Variants in FCN2 observed in about 807,000 individuals in gnomAD.
FCN2 encodes the protein ficolin-2.
A neutral mutation model predicts 32.5 loss-of-function variants in FCN2; 31 were observed. That is an observed-to-expected ratio of 0.96 (90% CI 0.72 to 1.29). The LOEUF (loss-of-function observed/expected upper bound fraction) is 1.29, where lower values mean the gene tolerates loss of function less well. Among genes scored for constraint, FCN2 ranks in the 50% most tolerant of loss-of-function variants. The pLI, the probability that FCN2 is intolerant of heterozygous loss-of-function variation, is 0.00. For missense variants in FCN2, 412 were observed against 406.5 expected, an observed-to-expected ratio of 1.01 and a Z score of -0.12; for synonymous variants, 181 against 164.5, an observed-to-expected ratio of 1.10 and a Z score of -0.77.
chr9:134,864,900 G>A, the FCN2 span, among the ~76,000 whole-genome samples: 2 of 152,228 alleles, frequency 1.3e-5, no homozygotes, highest in South Asian at 2.1e-4. Flanking sequence ...GGGGCCAAAC[G>A]GGCCAGGTCC....
At chr9:134,867,449 A>G in the FCN2 span, among the ~76,000 whole-genome samples, 3 of 136,690 alleles carry the variant, frequency 2.2e-5, no homozygotes, top group African/African-American at 8.4e-5. Context: ...ATGAGATCAC[A>G]TGGACACAGG....
In FCN2 at chr9:134,883,052, G is replaced by A. The variant is rs1338733970; in HGVS notation, c.215-250G>A. Among the ~76,000 whole-genome samples, 4 of 152,232 alleles carry A rather than the reference G, an allele frequency of 2.6e-5. No individual in the cohort carries two copies. The South Asian group carries it at 8.3e-4, about 32-fold the overall frequency. On this transcript the variant is annotated intron_variant, in intron 2 of 7. Coordinates refer to ENST00000291744, the MANE Select transcript of FCN2 (RefSeq NM_004108.3). ...TCTCACACTTGGAAGGAAAAGAGCC[G>A]AGATTCTACCCATGGTCTCTGGATT...
At chr9:134,876,854 C>T (rs537415932), upstream of FCN2, among the ~76,000 whole-genome samples, 3 of 151,912 alleles carry the variant, frequency 2.0e-5, no homozygotes, top group Admixed American at 6.6e-5. Context: ...GGATTACAGG[C>T]GTAAGCCACC....
At chr9:134,875,516 C>T in the FCN2 span, among the ~76,000 whole-genome samples, 2,657 of 152,248 alleles carry the variant, frequency 0.017, 82 homozygotes, top group African/African-American at 0.056. Context: ...ATTATGTGCA[C>T]GTGACTATTG....
rs1345493804 is a variant in FCN2, at chr9:134,885,174, C to T, written c.302-65C>T. 2.5e-6 allele frequency: 4 copies of T among 1,608,730 alleles called. No individual in the cohort carries two copies. The African/African-American group carries it at 4.0e-5, about 16-fold the overall frequency. On this transcript the variant is annotated intron_variant, in intron 4 of 7. Coordinates refer to ENST00000291744, the MANE Select transcript of FCN2 (RefSeq NM_004108.3). ...CCCTGCTTCTTCCTCCCAGGCCTCCCTCCTACTGCCTGTGCCCTGCCCAGG... is the reference window on the plus strand; with the variant it reads ...CCCTGCTTCTTCCTCCCAGGCCTCCTTCCTACTGCCTGTGCCCTGCCCAGG...
chr9:134,879,843 G>A (rs1291168265), upstream of FCN2, among the ~76,000 whole-genome samples: 1 of 152,186 alleles, frequency 6.6e-6, no homozygotes, highest in Non-Finnish European at 1.5e-5. Flanking sequence ...GGCAGCAGGT[G>A]GCAGGGTGCG....
rs1330879207 is a variant in FCN2 at position 134,880,916 on chromosome 9, G to A, written c.95G>A (p.Cys32Tyr). Residue 32 changes from cysteine (C) to tyrosine (Y), a missense_variant, in exon 1 of 8, where the codon TGT (cysteine) becomes TAT (tyrosine). Transcript: ENST00000291744. ...MAWALQAADT[C>Y]PEVKMVGLEG... Reference sequence around the variant, plus strand: ...TGGGCTCTCCAGGCGGCAGACACCTGTCCAGGTAAGGGCACTCCAGGGCCT... The same window carrying A: ...TGGGCTCTCCAGGCGGCAGACACCTATCCAGGTAAGGGCACTCCAGGGCCT... 1.2e-6 allele frequency: 2 copies of A among 1,611,784 alleles called. No homozygotes were observed. Among genetic ancestry groups the A allele is most frequent in the Non-Finnish European group, 1.7e-6 (2 of 1,178,940 alleles).
At chr9:134,884,668 G>T in intron 3 of FCN2, 72 bp from the exon 4 acceptor site, 1 of 1,467,952 alleles carries the variant, frequency 6.8e-7, no homozygotes, top group South Asian at 1.1e-5. Flanking sequence ...AATGGTGTCC[G>T]CGGACCAATG....
chr9:134,881,737 A>G (rs1830667232), intron 1 of FCN2, among the ~76,000 whole-genome samples: 1 of 152,194 alleles, frequency 6.6e-6, no homozygotes, highest in African/African-American at 2.4e-5. Context: ...ACAGGCCAGG[A>G]ACAGCGGGGA....
At chr9:134,872,746 T>G in the FCN2 span, among the ~76,000 whole-genome samples, 1 of 152,104 alleles carries the variant, frequency 6.6e-6, no homozygotes, top group Non-Finnish European at 1.5e-5. Context: ...AGTTACCTCC[T>G]ACCGGGTCCC....
At chr9:134,866,292 T>C in the FCN2 span, among the ~76,000 whole-genome samples, 1 of 120,060 alleles carries the variant, frequency 8.3e-6, no homozygotes, top group South Asian at 3.6e-4. Context: ...AAAACAGAGA[T>C]ATAGATCAAT....
chr9:134,873,908 TGTTTTTG>T, the FCN2 span, among the ~76,000 whole-genome samples: 19 of 25,564 alleles, frequency 7.4e-4, no homozygotes, highest in East Asian at 8.1e-3. Context: ...TGTTTTTTTT[TGTTTTTG>T]TTTTTTGTTT....
rs780002054 is a variant in FCN2, at chr9:134,886,477, C to T, written c.607C>T (p.Gln203Ter). The change falls in exon 7 of 8, where the codon CAG (glutamine) becomes TAG (stop). Residue 203 changes from glutamine (Q) to a stop codon, truncating the protein, a stop_gained. Transcript: ENST00000291744. LOFTEE classifies it high-confidence loss of function. ...CCTGGTGGACTTTGAGGACAACTAC[C>T]AGTTTGCTAAGTACAGATCATTCAA... Reference protein sequence around the residue: ...VDLVDFEDNYQFAKYRSFKVA... With the variant: ...VDLVDFEDNY The T allele has an allele frequency of 1.9e-6, 3 of 1,611,998 alleles. No homozygotes were observed. The South Asian group carries it at 3.3e-5, about 18-fold the overall frequency.
intron 6 of FCN2, 23 bp from the exon 7 acceptor site, chr9:134,886,407 A>G (rs1485592894): frequency 2.5e-6 from 4 of 1,614,048 alleles, no homozygotes; most frequent in South Asian, 2.2e-5. Flanking sequence ...TTCCGCTGAG[A>G]CCCTGAAACC....
the FCN2 span, among the ~76,000 whole-genome samples, chr9:134,869,636 C>A: frequency 4.6e-5 from 7 of 152,214 alleles, no homozygotes; most frequent in Non-Finnish European, 7.3e-5. Flanking sequence ...TTTCTCTGCT[C>A]GACTCAACTC....
At chr9:134,872,293 GT>G in the FCN2 span, among the ~76,000 whole-genome samples, 14 of 152,238 alleles carry the variant, frequency 9.2e-5, no homozygotes, top group Non-Finnish European at 2.1e-4. Flanking sequence ...GTCATACTCT[GT>G]GTGTGGATAG....
chr9:134,877,837 G>A (rs1474535163), upstream of FCN2, among the ~76,000 whole-genome samples: 2 of 152,196 alleles, frequency 1.3e-5, no homozygotes, highest in African/African-American at 4.8e-5. Flanking sequence ...GAAGGGGGAT[G>A]TGATGGTTAA....
the FCN2 span, among the ~76,000 whole-genome samples, chr9:134,867,714 C>T: frequency 6.6e-6 from 1 of 151,596 alleles, no homozygotes; most frequent in Non-Finnish European, 1.5e-5. Flanking sequence ...GCAGCTGTGC[C>T]ACACCTGGCT....
At chr9:134,878,807 C>T (rs940240741), upstream of FCN2, among the ~76,000 whole-genome samples, 3 of 152,096 alleles carry the variant, frequency 2.0e-5, no homozygotes, top group Non-Finnish European at 4.4e-5. Flanking sequence ...TGTGCCATTA[C>T]ACTCCAGCCC....
Sources: allele counts gnomAD v4.1 joint callset (sites outside exome capture counted in the v4.1 genomes callset), GRCh38; gene constraint gnomAD v4.1.1; transcripts MANE v1.5; gene names NCBI Gene and HGNC (gene_info 2026-07-23, HGNC 2026-07-21).